KCNAB1: variants seen among roughly 807,000 people sequenced by gnomAD.
KCNAB1 encodes the protein voltage-gated potassium channel subunit beta-1.
A neutral mutation model predicts 64.6 loss-of-function variants in KCNAB1; 35 were observed. The observed-to-expected ratio is 0.54, with a 90% CI of 0.41 to 0.72. The LOEUF is 0.72. Among genes scored for constraint, KCNAB1 ranks in the 30% least tolerant of loss-of-function variants. The pLI is 0.00. For missense variants in KCNAB1, 401 were observed against 512.9 expected (o/e 0.78, Z 2.11); for synonymous variants, 177 against 183.8 (o/e 0.96, Z 0.30).
At position 156,375,516 on chromosome 3, in the gene KCNAB1, C is replaced by T. The variant is rs1375352786; in HGVS notation, c.276-46100C>T. The stretch of plus-strand genomic sequence containing the variant: ...AACATAGGTAAGCAAATCAAAACAA[C>T]GTTAATACATGTTATAATTCTTTAA... On this transcript the variant is annotated intron_variant, in intron 1 of 13. Transcript: ENST00000490337. 3.7e-5 allele frequency among the ~76,000 whole-genome samples: 5 copies of T among 134,998 alleles called. 2 individuals are homozygous for T. Among genetic ancestry groups the T allele is most frequent in the South Asian group, 2.2e-4 (1 of 4,482 alleles). The allele number at this position is 134,998 out of a possible 152,430, so 88.6% of individuals were successfully genotyped here. A position where few individuals can be genotyped will look rare whatever the true frequency, so the allele number is the denominator to read the frequency against.
chr3:156,121,031 C>T, intron 1 of KCNAB1, 145 bp downstream of exon 1: 1 of 955,736 alleles, frequency 1.0e-6, no homozygotes, highest in Non-Finnish European at 1.5e-6. Flanking sequence ...AATGTGTAAC[C>T]ACAAAGAGCA....
intron 2 of KCNAB1, among the ~76,000 whole-genome samples, chr3:156,449,099 A>C (rs1711802752): frequency 6.6e-6 from 1 of 152,224 alleles, no homozygotes; most frequent in African/African-American, 2.4e-5. Context: ...AAGAAATGGA[A>C]GCAAACACTT....
chr3:156,439,264 G>A (rs930904447), intron 2 of KCNAB1, among the ~76,000 whole-genome samples: 3 of 138,566 alleles, frequency 2.2e-5, no homozygotes, highest in Non-Finnish European at 4.6e-5. Flanking sequence ...TCACAATACC[G>A]TGAGTAGGTA....
At chr3:156,179,106 ATAT>A (rs1712606641) in intron 1 of KCNAB1, among the ~76,000 whole-genome samples, 1 of 151,980 alleles carries the variant, frequency 6.6e-6, no homozygotes, top group Non-Finnish European at 1.5e-5. Flanking sequence ...CACCAATATA[ATAT>A]TATATAAGGT....
At chr3:156,265,172 C>G (rs909848192) in intron 1 of KCNAB1, among the ~76,000 whole-genome samples, 22 of 152,162 alleles carry the variant, frequency 1.4e-4, no homozygotes, top group African/African-American at 5.1e-4. Flanking sequence ...CATGATAGTT[C>G]AAGCTTTCAC....
intron 1 of KCNAB1, among the ~76,000 whole-genome samples, chr3:156,298,336 T>C (rs1422725097): frequency 6.6e-6 from 1 of 152,222 alleles, no homozygotes; most frequent in African/African-American, 2.4e-5. Context: ...CTGAAGAGTT[T>C]CCGGAAACGG....
At chr3:156,445,179 C>T (rs1446198926) in intron 2 of KCNAB1, among the ~76,000 whole-genome samples, 1 of 152,058 alleles carries the variant, frequency 6.6e-6, no homozygotes, top group East Asian at 1.9e-4. Context: ...GCCTGTAATC[C>T]CAGCTACTCA....
intron 1 of KCNAB1, among the ~76,000 whole-genome samples, chr3:156,259,687 C>T (rs1278566505): frequency 6.6e-6 from 1 of 152,184 alleles, no homozygotes; most frequent in African/African-American, 2.4e-5. Flanking sequence ...CCATCTGGAC[C>T]TGTGTGTCCT....
chr3:156,201,046 G>T (rs550493933), intron 1 of KCNAB1, among the ~76,000 whole-genome samples: 2 of 152,094 alleles, frequency 1.3e-5, no homozygotes, highest in Non-Finnish European at 2.9e-5. Flanking sequence ...AGTCTCTCAC[G>T]GCATCCCTTG....
intron 1 of KCNAB1, among the ~76,000 whole-genome samples, chr3:156,136,809 T>C (rs547394682): frequency 4.9e-4 from 74 of 152,304 alleles, no homozygotes; most frequent in Admixed American, 4.8e-3. Flanking sequence ...TTGGGAACTT[T>C]TGAATAAAGA....
chr3:156,308,275 A>G (rs1214939594), intron 1 of KCNAB1, among the ~76,000 whole-genome samples: 1 of 152,196 alleles, frequency 6.6e-6, no homozygotes, highest in Non-Finnish European at 1.5e-5. Context: ...TAAGGTTAGA[A>G]TGGGCCAGAT....
intron 1 of KCNAB1, among the ~76,000 whole-genome samples, chr3:156,393,856 G>A (rs914923856): frequency 5.3e-5 from 8 of 152,182 alleles, no homozygotes; most frequent in African/African-American, 1.4e-4. Context: ...AAATTGCCAA[G>A]CTGAAAATGG....
At chr3:156,317,717 C>A (rs918462405) in intron 1 of KCNAB1, among the ~76,000 whole-genome samples, 1 of 152,046 alleles carries the variant, frequency 6.6e-6, no homozygotes, top group Non-Finnish European at 1.5e-5. Context: ...TTTACAATAG[C>A]CTTGCAAATA....
chr3:156,496,595 C>A (rs1374012234), intron 8 of KCNAB1, among the ~76,000 whole-genome samples: 1 of 152,134 alleles, frequency 6.6e-6, no homozygotes, highest in Non-Finnish European at 1.5e-5. Context: ...TAGACTAATA[C>A]ATATGGTATA....
At chr3:156,507,720 C>G (rs1201052008) in intron 8 of KCNAB1, among the ~76,000 whole-genome samples, 1 of 152,124 alleles carries the variant, frequency 6.6e-6, no homozygotes, top group Non-Finnish European at 1.5e-5. Flanking sequence ...AAAATTGTGC[C>G]TAGGTCTAGG....
chr3:156,375,693 G>T (rs890729809), intron 1 of KCNAB1, among the ~76,000 whole-genome samples: 1 of 135,904 alleles, frequency 7.4e-6, no homozygotes, highest in Non-Finnish European at 1.5e-5. Context: ...AGGCAGCAAA[G>T]TGGCACCTAA....
At chr3:156,164,402 T>C (rs1341599726) in intron 1 of KCNAB1, among the ~76,000 whole-genome samples, 1 of 152,216 alleles carries the variant, frequency 6.6e-6, no homozygotes, top group Non-Finnish European at 1.5e-5. Context: ...CAGTGTCCCA[T>C]TGGCTTCATT....
chr3:156,228,910 A>G (rs1035656815), intron 1 of KCNAB1, among the ~76,000 whole-genome samples: 1 of 152,188 alleles, frequency 6.6e-6, no homozygotes, highest in Non-Finnish European at 1.5e-5. Flanking sequence ...TCTGAGTTCC[A>G]TGGCATACCT....
At chr3:156,381,376 T>C (rs1712147593) in intron 1 of KCNAB1, among the ~76,000 whole-genome samples, 1 of 152,134 alleles carries the variant, frequency 6.6e-6, no homozygotes, top group Non-Finnish European at 1.5e-5. Flanking sequence ...ACTGAGGGGA[T>C]TCTGGTGATA....
Sources: allele counts gnomAD v4.1 joint callset (sites outside exome capture counted in the v4.1 genomes callset), GRCh38; gene constraint gnomAD v4.1.1; transcripts MANE v1.5; gene names NCBI Gene and HGNC (gene_info 2026-07-23, HGNC 2026-07-21).